PRRC2C: variants seen among roughly 807,000 people sequenced by gnomAD.
PRRC2C encodes the protein protein PRRC2C.
In PRRC2C, 72 loss-of-function variants were observed where a neutral mutation model predicts 317.2. The ratio of observed to expected loss-of-function variants is 0.23; its 90% CI spans 0.19 to 0.28. The LOEUF is 0.28. Ranked by LOEUF, PRRC2C falls within the 10% of genes least tolerant of loss-of-function variation. The pLI is 1.00. For synonymous variants in PRRC2C, 1,296 were observed against 1,205.9 expected, an observed-to-expected ratio of 1.07 and a Z score of -1.55; for missense variants, 3,074 against 3,459.7, an observed-to-expected ratio of 0.89 and a Z score of 2.80.
chr1:171,584,646 T>A, intron 30 of PRRC2C, 120 bp downstream of exon 30: 1 of 1,178,024 alleles, frequency 8.5e-7, no homozygotes, highest in South Asian at 1.7e-5. Flanking sequence ...TTTAAACTGT[T>A]CACTGAGATG....
intron 3 of PRRC2C, among the ~76,000 whole-genome samples, chr1:171,514,251 AGTGTGTGTGTAT>A (rs1248890370): frequency 5.0e-4 from 66 of 131,840 alleles, no homozygotes; most frequent in African/African-American, 1.9e-3. Flanking sequence ...TTTAATTAAA[AGTGTGTGTGTAT>A]GTGTGTGTGT....
At chr1:171,586,620 CG>C (rs1240539373) in intron 30 of PRRC2C, among the ~76,000 whole-genome samples, 1 of 143,836 alleles carries the variant, frequency 7.0e-6, no homozygotes, top group Non-Finnish European at 1.5e-5. Flanking sequence ...CTCGCTCTGT[CG>C]CCAGGCTGGA....
chr1:171,567,402 A>G (rs1349984745), intron 22 of PRRC2C, among the ~76,000 whole-genome samples: 2 of 152,258 alleles, frequency 1.3e-5, no homozygotes, highest in African/African-American at 2.4e-5. Flanking sequence ...AATAGCAAAC[A>G]TATCTGCGAT....
rs138715809 is a variant in PRRC2C, at chr1:171,489,097, G to C, written c.-58+3362G>C. Among the ~76,000 whole-genome samples, 670 of 152,178 alleles carry C rather than the reference G, an allele frequency of 4.4e-3. 5 individuals carry two copies. Among genetic ancestry groups the C allele is most frequent in the African/African-American group, 0.014 (598 of 41,498 alleles). On this transcript the variant is annotated intron_variant, in intron 1 of 34. Coordinates refer to ENST00000647382, the MANE Select transcript of PRRC2C (RefSeq NM_001387844.1). ...CTCATCACCTTGTATGGTGGTTGGC[G>C]TATACCTAGAGTTTATATGTTATTG... is the stretch of plus-strand genomic sequence containing the variant.
At chr1:171,514,400 G>A (rs1200448872) in intron 3 of PRRC2C, 136 bp from the exon 4 acceptor site, 1 of 675,884 alleles carries the variant, frequency 1.5e-6, no homozygotes, top group East Asian at 2.8e-5. Context: ...GTTGCAGAGA[G>A]AAAACATTTA....
intron 11 of PRRC2C, among the ~76,000 whole-genome samples, chr1:171,529,227 T>C (rs11589384): frequency 0.43 from 64,650 of 152,006 alleles, 15,101 homozygotes; most frequent in East Asian, 0.6. Flanking sequence ...ATTTTAAAAA[T>C]CTGTATCCTT....
Position 171,545,676 on chromosome 1 carries a change from A to G in PRRC2C, c.4961A>G (p.Asn1654Ser). ...KVDALSQFDL[N>S]NYASVVIIDD... ...GATGCTCTATCACAGTTTGATCTCA[A>G]CAATTATGCAAGTATGTCTTAGGTT... The change falls in exon 17 of 35, where the codon AAC becomes AGC. Residue 1654 changes from asparagine (N) to serine (S), a missense_variant. By Grantham distance (46) the Asn-to-Ser change is conservative (BLOSUM62 1). This residue lies in a region of PRRC2C where 3 missense variants were observed against 18.5 expected (regional missense o/e 0.16). Transcript: ENST00000647382. 3 of 1,554,742 alleles carry G rather than the reference A, an allele frequency of 1.9e-6. No homozygotes were observed. Among genetic ancestry groups the G allele is most frequent in the Non-Finnish European group, 2.6e-6 (3 of 1,148,566 alleles).
Position 171,540,250 on chromosome 1 carries a change from C to G in PRRC2C, c.2784C>G (p.Ser928=). 2 of 1,613,834 alleles carry G rather than the reference C, an allele frequency of 1.2e-6. No homozygotes were observed. Among genetic ancestry groups the G allele is most frequent in the Non-Finnish European group, 8.5e-7 (1 of 1,179,880 alleles). The part of the protein sequence containing the change: ...ESQPSRKRSV[S]HGSNHTQKPD... ...AGCCTTCCCGGAAAAGAAGTGTTTC[C>G]CATGGATCTAACCATACGCAAAAAC... Residue 928 remains serine (S), a synonymous_variant, in exon 16 of 35, where the codon TCC becomes TCG. Transcript: ENST00000647382.
chr1:171,545,755 T>A, intron 17 of PRRC2C, 68 bp downstream of exon 17: 1 of 1,064,988 alleles, frequency 9.4e-7, no homozygotes, highest in Non-Finnish European at 1.2e-6. Context: ...ATTTGCTACA[T>A]TTTAAAATGT....
At chr1:171,578,470 T>G (rs1375641677) in intron 26 of PRRC2C, among the ~76,000 whole-genome samples, 1 of 152,170 alleles carries the variant, frequency 6.6e-6, no homozygotes, top group African/African-American at 2.4e-5. Context: ...AGAGAATCAT[T>G]TGAACCCAGG....
intron 28 of PRRC2C, among the ~76,000 whole-genome samples, chr1:171,582,423 A>G (rs1405502367): frequency 6.6e-6 from 1 of 152,178 alleles, no homozygotes; most frequent in Non-Finnish European, 1.5e-5. Flanking sequence ...AGCTAATTAG[A>G]GTGCATCCAA....
At chr1:171,535,796 A>T (rs985294875) in intron 13 of PRRC2C, among the ~76,000 whole-genome samples, 199 bp downstream of exon 13, 3 of 152,198 alleles carry the variant, frequency 2.0e-5, no homozygotes, top group African/African-American at 7.2e-5. Flanking sequence ...CCTCATTTAT[A>T]GACACCATCT....
At chr1:171,584,593 T>C in intron 30 of PRRC2C, 67 bp downstream of exon 30, 1 of 1,479,694 alleles carries the variant, frequency 6.8e-7, no homozygotes, top group East Asian at 2.5e-5. Flanking sequence ...TTGTTATTGT[T>C]TGGGAATTTA....
chr1:171,537,606 C>A, intron 15 of PRRC2C, 133 bp downstream of exon 15: 1 of 814,732 alleles, frequency 1.2e-6, no homozygotes, highest in Non-Finnish European at 1.9e-6. Context: ...ATTTAGCATG[C>A]TACGCTTACT....
intron 17 of PRRC2C, among the ~76,000 whole-genome samples, chr1:171,548,690 C>T (rs1408876472): frequency 6.6e-6 from 1 of 151,948 alleles, no homozygotes; most frequent in Non-Finnish European, 1.5e-5. Flanking sequence ...CACATACTGA[C>T]TGGGATATAG....
At chr1:171,587,468 A>G (rs1650304935) in intron 31 of PRRC2C, among the ~76,000 whole-genome samples, 180 bp from the exon 32 acceptor site, 1 of 152,252 alleles carries the variant, frequency 6.6e-6, no homozygotes, top group East Asian at 1.9e-4. Context: ...TCTTGGGCTT[A>G]TTTAATTATA....
Position 171,537,343 on chromosome 1 carries a change from G to T in PRRC2C, c.2374G>T (p.Ala792Ser). ...CAGTTCTGAGTCATTTGAGCATATA[G>T]CTCGATCTGCAAGAGATCACGCAAT... ...PNSSESFEHI[A>S]RSARDHAISL... Residue 792 changes from alanine (A) to serine (S), a missense_variant, in exon 15 of 35, where the codon GCT becomes TCT. Ala to Ser is a moderately conservative substitution (Grantham distance 99, BLOSUM62 1). Transcript: ENST00000647382. 1 of 1,596,678 alleles carries T rather than the reference G, an allele frequency of 6.3e-7. No homozygotes were observed. The highest frequency in any genetic ancestry group is 8.5e-7 in the Non-Finnish European group (1 of 1,170,796).
At chr1:171,563,747 C>G (rs1379277161) in intron 20 of PRRC2C, among the ~76,000 whole-genome samples, 1 of 152,092 alleles carries the variant, frequency 6.6e-6, no homozygotes, top group African/African-American at 2.4e-5. Flanking sequence ...CTCTAAAACT[C>G]AAGAGTCACT....
At chr1:171,563,205 C>T (rs1572029317) in intron 20 of PRRC2C, among the ~76,000 whole-genome samples, 1 of 152,116 alleles carries the variant, frequency 6.6e-6, no homozygotes, top group South Asian at 2.1e-4. Context: ...GATTGGTTCT[C>T]ACCACCATAG....
Sources: allele counts gnomAD v4.1 joint callset (sites outside exome capture counted in the v4.1 genomes callset), GRCh38; gene constraint gnomAD v4.1.1; regional missense constraint gnomAD v4.1.1; transcripts MANE v1.5; gene names NCBI Gene and HGNC (gene_info 2026-07-23, HGNC 2026-07-21).